USP16: variants seen among roughly 807,000 people sequenced by gnomAD.
USP16 encodes ubiquitin specific peptidase 16.
USP16 carries 77 observed loss-of-function variants against 95.9 expected under a neutral mutation model. That is an observed-to-expected ratio of 0.80 (90% CI 0.67 to 0.97). The LOEUF is 0.97. USP16 is among the 50% of genes least tolerant of loss of function. The probability of loss-of-function intolerance (pLI) is 0.00; values close to 1 mark genes in which losing one functional copy is unlikely to be tolerated. For synonymous variants in USP16, 303 were observed against 318.2 expected (o/e 0.95, Z 0.51); for missense variants, 943 against 959.9 (o/e 0.98, Z 0.23).
Position 29,046,674 on chromosome 21 carries a change from G to A in USP16, c.1364G>A (p.Arg455Gln), listed in dbSNP as rs755644897. 17 of 1,601,554 alleles carry A rather than the reference G, an allele frequency of 1.1e-5. No homozygotes were observed. Among genetic ancestry groups the A allele is most frequent in the Admixed American group, 5.2e-5 (3 of 57,946 alleles). Reference protein sequence around the residue: ...KQAKKQAKNQRRQQKIQGKVL... With the variant: ...KQAKKQAKNQQRQQKIQGKVL... ...CGTATACTTTTTACCCAGAACCAAC[G>A]AAGACAACAAAAAATTCAAGGAAAA... The change falls in exon 14 of 18, where the codon CGA becomes CAA. Residue 455 changes from arginine (R) to glutamine (Q), a missense_variant. Coordinates refer to ENST00000399976, the MANE Select transcript of USP16 (RefSeq NM_006447.3).
At chr21:29,053,155 G>C (rs1043900818) in intron 16 of USP16, 3 of 152,334 alleles carry the variant, frequency 2.0e-5, no homozygotes, top group Non-Finnish European at 4.4e-5. Context: ...GGGAAGCTGA[G>C]TATAGGAGAC....
chr21:29,046,571 T>G, intron 13 of USP16, 96 bp from the exon 14 acceptor site: 2 of 1,243,818 alleles, frequency 1.6e-6, no homozygotes, highest in South Asian at 1.5e-5. Context: ...ATATAGTACA[T>G]GTGTGTGTTT....
chr21:29,039,009 T>C lies in USP16; in HGVS notation c.733-17T>C. On this transcript the variant is annotated splice_polypyrimidine_tract_variant and intron_variant, in intron 7 of 17. Transcript: ENST00000399976. ...CAGAATTTGACTGAAGAAAGTAATT[T>C]CTTTTCCCATATTCAGGAACCATTA... 6.7e-7 allele frequency: 1 copy of C among 1,487,476 alleles called. No individual in the cohort carries two copies. Among genetic ancestry groups the C allele is most frequent in the East Asian group, 2.5e-5 (1 of 40,246 alleles). 92.1% of individuals were successfully genotyped at this position (1,487,476 alleles called of 1,614,324 possible). A position where few individuals can be genotyped will look rare whatever the true frequency, so the allele number is the denominator to read the frequency against.
rs1176698705 is a variant in USP16, at chr21:29,028,124, T to A, written c.61+150T>A. 16 of 166,916 alleles carry A rather than the reference T, an allele frequency of 9.6e-5. No homozygotes were observed. The South Asian group carries it at 1.2e-3, about 13-fold the overall frequency. The allele number at this position is 166,916 out of a possible 1,614,324, so 10.3% of individuals were successfully genotyped here. On this transcript the variant is annotated intron_variant, in intron 2 of 17. Transcript: ENST00000399976. ...TATATGTCATTTAATAGTCTTCTAC[T>A]TTTTTTTTTTTTTTTGAGAAAGAAT...
intron 2 of USP16, 54 bp from the exon 3 acceptor site, chr21:29,030,541 G>A: frequency 7.1e-7 from 1 of 1,415,206 alleles, no homozygotes; most frequent in East Asian, 2.5e-5. Flanking sequence ...GAGATTAACT[G>A]AAGAAAGTCA....
At chr21:29,024,826 G>C (rs1369479704) in intron 1 of USP16, 49 bp downstream of exon 1, 1 of 1,247,066 alleles carries the variant, frequency 8.0e-7, no homozygotes, top group Non-Finnish European at 1.0e-6. Flanking sequence ...CTGGCTTTCT[G>C]CGCTGGGAGA....
rs566515904 is a variant in USP16, at chr21:29,031,068, G to C, written c.240+295G>C. Among the ~76,000 whole-genome samples the C allele has an allele frequency of 2.0e-5, 3 of 152,302 alleles. No homozygotes were observed. In the East Asian group the frequency reaches 5.8e-4, roughly 29 times the overall value. ...TTGCCTGAATTGAGGCAAGGAGCTA[G>C]ACCTTTCTACCTGTGCATAGACCAG... is the stretch of plus-strand genomic sequence containing the variant. On this transcript the variant is annotated intron_variant, in intron 3 of 17. Transcript: ENST00000399976.
Position 29,054,348 on chromosome 21 carries a change from G to C in USP16, c.*161G>C. On this transcript the variant is annotated 3_prime_UTR_variant, in exon 18 of 18. Coordinates refer to ENST00000399976, the MANE Select transcript of USP16 (RefSeq NM_006447.3). ...ATTGAAGGGAAAAATACCTAAAAAT[G>C]TACAAAGGTTTTATATTGTCATAGT... 1.0e-6 allele frequency: 1 copy of C among 953,940 alleles called. No individual in the cohort carries two copies. Among genetic ancestry groups the C allele is most frequent in the African/African-American group, 1.7e-5 (1 of 60,324 alleles). 59.1% of individuals were successfully genotyped at this position (953,940 alleles called of 1,614,324 possible). A position where few individuals can be genotyped will look rare whatever the true frequency, so the allele number is the denominator to read the frequency against.
chr21:29,046,052 C>G (rs780268519), intron 13 of USP16, among the ~76,000 whole-genome samples: 1 of 152,124 alleles, frequency 6.6e-6, no homozygotes, highest in African/African-American at 2.4e-5. Flanking sequence ...TCAAACTCCT[C>G]ACCTCAAGTG....
chr21:29,049,465 A>C (rs1385199756), intron 15 of USP16, among the ~76,000 whole-genome samples: 1 of 152,244 alleles, frequency 6.6e-6, no homozygotes, highest in Non-Finnish European at 1.5e-5. Flanking sequence ...GAAAAGTATT[A>C]TGCTATCGCT....
At position 29,040,670 on chromosome 21, in the gene USP16, T is replaced by C. The variant is rs750387241; in HGVS notation, c.1013T>C (p.Leu338Pro). 2 of 1,537,352 alleles carry C rather than the reference T, an allele frequency of 1.3e-6. 1 individual carries two copies. The highest frequency in any genetic ancestry group is 2.7e-5 in the African/African-American group (2 of 72,804). Residue 338 changes from leucine to proline, a missense_variant, in exon 10 of 18, where the codon CTA (leucine) becomes CCA (proline). Coordinates refer to ENST00000399976, the MANE Select transcript of USP16 (RefSeq NM_006447.3). ...TCTACTGAAAAGTTGGATGAAGAAC[T>C]AAAAAATAAAGTTAAAGGTAATGTC... Reference protein sequence around the residue: ...GNSTEKLDEELKNKVKDYEKK... With the variant: ...GNSTEKLDEEPKNKVKDYEKK...
intron 10 of USP16, among the ~76,000 whole-genome samples, chr21:29,041,779 T>C (rs987323798): frequency 6.6e-6 from 1 of 152,162 alleles, no homozygotes; most frequent in African/African-American, 2.4e-5. Context: ...ATAAGGACTT[T>C]TTTGTCTTAT....
chr21:29,029,412 CAAAAAG>C (rs970443191), intron 2 of USP16, among the ~76,000 whole-genome samples: 5 of 151,332 alleles, frequency 3.3e-5, no homozygotes, highest in Non-Finnish European at 7.4e-5. Context: ...GACTCCGTCT[CAAAAAG>C]AAAAAAGAAA....
chr21:29,028,229 C>T (rs924846101), intron 2 of USP16, among the ~76,000 whole-genome samples: 7 of 148,856 alleles, frequency 4.7e-5, no homozygotes, highest in African/African-American at 1.7e-4. Context: ...TCAAACGGTT[C>T]TCTCGTGCCT....
At chr21:29,029,046 C>T (rs1431786390) in intron 2 of USP16, among the ~76,000 whole-genome samples, 2 of 152,204 alleles carry the variant, frequency 1.3e-5, no homozygotes, top group Non-Finnish European at 2.9e-5. Flanking sequence ...TAGTAAAGTG[C>T]CCATTTCCCT....
At chr21:29,036,658 A>G (rs1416107154) in intron 5 of USP16, among the ~76,000 whole-genome samples, 1 of 152,190 alleles carries the variant, frequency 6.6e-6, no homozygotes, top group East Asian at 1.9e-4. Context: ...CCTGCCTTAC[A>G]CTGTTCTTAC....
Position 29,047,095 on chromosome 21 carries a change from G to A in USP16, c.1785G>A (p.Leu595=), listed in dbSNP as rs1251516995. 8 of 1,613,926 alleles carry A rather than the reference G, an allele frequency of 5.0e-6. No homozygotes were observed. Among genetic ancestry groups the A allele is most frequent in the Non-Finnish European group, 5.1e-6 (6 of 1,180,012 alleles). Residue 595 remains leucine, a synonymous_variant, in exon 14 of 18, where the codon CTG becomes CTA. Coordinates refer to ENST00000399976, the MANE Select transcript of USP16 (RefSeq NM_006447.3). The stretch of plus-strand genomic sequence containing the variant: ...CTGATGAAATAAATATAGAGATTCT[G>A]AATGATAGTCATACTCCTGGAACAA... ...LHPDEINIEI[L]NDSHTPGTKV...
At chr21:29,034,721 A>G (rs2085128154) in intron 3 of USP16, 116 bp from the exon 4 acceptor site, 3 of 941,324 alleles carry the variant, frequency 3.2e-6, no homozygotes, top group Non-Finnish European at 4.9e-6. Flanking sequence ...TTTTCTTTTC[A>G]AGATTGTAAG....
In USP16 at chr21:29,047,093, C is replaced by T; in HGVS notation, c.1783C>T (p.Leu595=). 2 of 1,614,000 alleles carry T rather than the reference C, an allele frequency of 1.2e-6. No individual in the cohort carries two copies. The highest frequency in any genetic ancestry group is 1.7e-5 in the Admixed American group (1 of 60,010). ...TCCTGATGAAATAAATATAGAGATT[C>T]TGAATGATAGTCATACTCCTGGAAC... ...LHPDEINIEI[L]NDSHTPGTKV... The change falls in exon 14 of 18, where the codon CTG becomes TTG. Residue 595 remains leucine (L), a synonymous_variant. Coordinates refer to ENST00000399976, the MANE Select transcript of USP16 (RefSeq NM_006447.3).
Sources: allele counts gnomAD v4.1 joint callset (sites outside exome capture counted in the v4.1 genomes callset), GRCh38; gene constraint gnomAD v4.1.1; transcripts MANE v1.5; gene names NCBI Gene and HGNC (gene_info 2026-07-23, HGNC 2026-07-21).